The following NTNG1 variants were observed in gnomAD, a reference collection of about 807,000 sequenced individuals.
NTNG1 encodes netrin G1.
In NTNG1, 16 loss-of-function variants were observed where a neutral mutation model predicts 54.0. That is an observed-to-expected ratio of 0.30 (90% CI 0.20 to 0.45). The LOEUF (loss-of-function observed/expected upper bound fraction) is 0.45, where lower values mean the gene tolerates loss of function less well. NTNG1 is among the 20% of genes least tolerant of loss of function. The probability of loss-of-function intolerance (pLI) is 1.00; values close to 1 mark genes in which losing one functional copy is unlikely to be tolerated. For missense variants in NTNG1, 530 were observed against 678.7 expected, an observed-to-expected ratio of 0.78 and a Z score of 2.43; for synonymous variants, 255 against 263.1, an observed-to-expected ratio of 0.97 and a Z score of 0.30.
chr1:107,158,193 G>A (rs751305249), intron 2 of NTNG1, among the ~76,000 whole-genome samples: 6 of 152,116 alleles, frequency 3.9e-5, no homozygotes, highest in Non-Finnish European at 5.9e-5. Context: ...TAATTCACCA[G>A]TCTAATTGGC....
intron 3 of NTNG1, among the ~76,000 whole-genome samples, chr1:107,386,176 T>TTCCTTTGAAATGGGGTTTCACTCTTG (rs1671983454): frequency 7.1e-6 from 1 of 140,914 alleles, no homozygotes; most frequent in Non-Finnish European, 1.6e-5. Flanking sequence ...TTTTTTTTTT[T>TTCCTTTGAAATGGGGTTTCACTCTTG]TTCTTCCTTT....
At chr1:107,392,374 G>A (rs1198361694) in intron 3 of NTNG1, among the ~76,000 whole-genome samples, 1 of 152,044 alleles carries the variant, frequency 6.6e-6, no homozygotes, top group Non-Finnish European at 1.5e-5. Context: ...AAGTTAAGGA[G>A]TGCAGACAAA....
chr1:107,187,468 C>G (rs974439128), intron 2 of NTNG1, among the ~76,000 whole-genome samples: 1 of 152,142 alleles, frequency 6.6e-6, no homozygotes, highest in Non-Finnish European at 1.5e-5. Context: ...AAGTTAAGCT[C>G]TAGCATATCA....
intron 3 of NTNG1, among the ~76,000 whole-genome samples, chr1:107,388,984 G>A (rs1406793902): frequency 6.6e-6 from 1 of 152,226 alleles, no homozygotes; most frequent in East Asian, 1.9e-4. Context: ...CAAGGGAAGA[G>A]GCGCAAGCAG....
chr1:107,374,068 T>A (rs1570794457), intron 3 of NTNG1, among the ~76,000 whole-genome samples: 1 of 152,176 alleles, frequency 6.6e-6, no homozygotes, highest in Non-Finnish European at 1.5e-5. Context: ...TTTCTGTTTT[T>A]CTTTTATTAC....
chr1:107,331,376 C>T (rs951091792), intron 3 of NTNG1, among the ~76,000 whole-genome samples: 2 of 152,018 alleles, frequency 1.3e-5, no homozygotes, highest in Non-Finnish European at 2.9e-5. Context: ...TTTTATTACA[C>T]CAGGCTGCTC....
intron 3 of NTNG1, among the ~76,000 whole-genome samples, chr1:107,353,807 A>G (rs867348559): frequency 6.6e-6 from 1 of 152,210 alleles, no homozygotes; most frequent in African/African-American, 2.4e-5. Context: ...TACAGGAAGC[A>G]TGGTAGCATC....
intron 7 of NTNG1, among the ~76,000 whole-genome samples, chr1:107,471,433 C>T (rs1384439876): frequency 6.6e-6 from 1 of 152,166 alleles, no homozygotes; most frequent in Non-Finnish European, 1.5e-5. Flanking sequence ...GCATCCGTAC[C>T]TCCCCTGGCC....
At chr1:107,210,804 T>G (rs1323152070) in intron 2 of NTNG1, among the ~76,000 whole-genome samples, 2 of 152,186 alleles carry the variant, frequency 1.3e-5, no homozygotes, top group East Asian at 3.9e-4. Context: ...CTCTTTAATC[T>G]TATTTACAGA....
At chr1:107,368,690 C>A (rs1380324974) in intron 3 of NTNG1, among the ~76,000 whole-genome samples, 1 of 152,108 alleles carries the variant, frequency 6.6e-6, no homozygotes, top group Admixed American at 6.6e-5. Context: ...CTGTTGTTAT[C>A]CCAATGTGAC....
At chr1:107,408,064 T>C (rs1360732963) in intron 5 of NTNG1, 1 of 370,210 alleles carries the variant, frequency 2.7e-6, no homozygotes, top group Non-Finnish European at 5.2e-6. Context: ...AACTCTCTCT[T>C]AGACTGGATT....
intron 3 of NTNG1, among the ~76,000 whole-genome samples, chr1:107,342,405 A>AC (rs747428060): frequency 1.6e-4 from 25 of 152,156 alleles, no homozygotes; most frequent in Non-Finnish European, 2.9e-4. Context: ...ACTATAAAAA[A>AC]TGTAAAATAT....
chr1:107,346,089 C>G (rs1669210119), intron 3 of NTNG1, among the ~76,000 whole-genome samples: 1 of 152,136 alleles, frequency 6.6e-6, no homozygotes, highest in Admixed American at 6.6e-5. Context: ...GTGTTGCAGT[C>G]TGATTTGCCC....
chr1:107,428,699 A>T (rs978465857), intron 5 of NTNG1, among the ~76,000 whole-genome samples: 1 of 152,088 alleles, frequency 6.6e-6, no homozygotes, highest in African/African-American at 2.4e-5. Context: ...CACTGCTCTC[A>T]AAAGGCTCTA....
intron 2 of NTNG1, among the ~76,000 whole-genome samples, chr1:107,217,651 C>T (rs1660063882): frequency 5.3e-5 from 8 of 152,098 alleles, no homozygotes; most frequent in Admixed American, 5.2e-4. Flanking sequence ...TAGGTTATAT[C>T]ACTACTACTC....
At chr1:107,176,232 A>G (rs1052433772) in intron 2 of NTNG1, among the ~76,000 whole-genome samples, 3 of 152,260 alleles carry the variant, frequency 2.0e-5, no homozygotes, top group South Asian at 4.1e-4. Context: ...CCCATTTCCT[A>G]TGAGTATCTT....
At chr1:107,215,987 C>T (rs564877289) in intron 2 of NTNG1, among the ~76,000 whole-genome samples, 3 of 152,080 alleles carry the variant, frequency 2.0e-5, no homozygotes, top group East Asian at 1.9e-4. Flanking sequence ...GATTTGTGTA[C>T]GTTAAATATT....
Position 107,450,641 on chromosome 1 carries a change from G to T in NTNG1, c.1390+13842G>T, listed in dbSNP as rs145893273. On this transcript the variant is annotated intron_variant, in intron 7 of 7. Coordinates refer to ENST00000370068, the MANE Select transcript of NTNG1 (RefSeq NM_001113226.3). ...AATACCTATTATGTCTTTTTCTGTG[G>T]TCGTTTCAAATACTAATTACCATCT... Among the ~76,000 whole-genome samples, 3 of 152,148 alleles carry T rather than the reference G, an allele frequency of 2.0e-5. No homozygotes were observed. The East Asian group carries it at 5.8e-4, about 29-fold the overall frequency.
chr1:107,360,291 G>A (rs1210195526), intron 3 of NTNG1, among the ~76,000 whole-genome samples: 2 of 152,078 alleles, frequency 1.3e-5, no homozygotes, highest in African/African-American at 4.8e-5. Context: ...TAAGAAGACA[G>A]CCACTTTAGG....
Sources: allele counts gnomAD v4.1 joint callset (sites outside exome capture counted in the v4.1 genomes callset), GRCh38; gene constraint gnomAD v4.1.1; transcripts MANE v1.5; gene names NCBI Gene and HGNC (gene_info 2026-07-23, HGNC 2026-07-21).